Variants in CUL4B observed in about 807,000 individuals in gnomAD.
CUL4B encodes cullin 4B.
A neutral mutation model predicts 69.2 loss-of-function variants in CUL4B; 1 was observed. The observed-to-expected ratio is 0.01, with a 90% CI of 0.01 to 0.07. CUL4B has a LOEUF of 0.07. CUL4B is among the 10% of genes least tolerant of loss of function. The pLI is 1.00. For synonymous variants in CUL4B, 237 were observed against 223.2 expected (o/e 1.06, Z -0.55); for missense variants, 328 against 638.8 (o/e 0.51, Z 5.24).
At chrX:120,561,530 G>T (rs377572979), upstream of CUL4B, 13 of 113,033 alleles carry the variant, frequency 1.2e-4, no homozygotes, top group South Asian at 2.5e-3. Flanking sequence ...CGGAGCTCCT[G>T]ATTGGAGCTT....
At chrX:120,528,869 T>C (rs1174836576) in intron 19 of CUL4B, among the ~76,000 whole-genome samples, 1 of 112,311 alleles carries the variant, frequency 8.9e-6, no homozygotes, top group Admixed American at 9.5e-5. Context: ...ATCTTCATGA[T>C]TGCATTCTAA....
At chrX:120,567,398 A>C (rs192472163), downstream of CUL4B, among the ~76,000 whole-genome samples, 346 of 110,100 alleles carry the variant, frequency 3.1e-3, 1 homozygote, top group Non-Finnish European at 4.8e-3. Flanking sequence ...AAGTGGTAGG[A>C]TTACAGGCAT....
chrX:120,549,542 C>T (rs111604949), intron 2 of CUL4B, among the ~76,000 whole-genome samples: 1 of 110,910 alleles, frequency 9.0e-6, no homozygotes, highest in Non-Finnish European at 1.9e-5. Context: ...GACTCTGTCT[C>T]GAGAAGAGAA....
At position 120,538,191 on chromosome X, in the gene CUL4B, G is replaced by A. The variant is rs769166770; in HGVS notation, c.1871C>T (p.Thr624Ile). 8.4e-7 allele frequency: 1 copy of A among 1,187,646 alleles called. No homozygotes were observed. Among genetic ancestry groups the A allele is most frequent in the Non-Finnish European group, 1.1e-6 (1 of 874,850 alleles). Reference sequence around the variant, plus strand: ...TTTAAACATTCCTTCAAGTTTGCTGGTGAAAGCAGCTCCGCATTCTATTAA... The same window carrying A: ...TTTAAACATTCCTTCAAGTTTGCTGATGAAAGCAGCTCCGCATTCTATTAA... The part of the protein sequence containing the change: ...KLKHECGAAF[T>I]SKLEGMFKDM... Residue 624 changes from threonine to isoleucine, a missense_variant, in exon 14 of 20, where the codon ACC (threonine) becomes ATC (isoleucine). Coordinates refer to ENST00000371322, the MANE Select transcript of CUL4B (RefSeq NM_001079872.2).
At chrX:120,563,111 G>C (rs1602592882), upstream of CUL4B, among the ~76,000 whole-genome samples, 3 of 112,654 alleles carry the variant, frequency 2.7e-5, no homozygotes, top group Admixed American at 2.8e-4. Flanking sequence ...ATTGCTATTT[G>C]ATGACAGCCT....
Position 120,560,304 on chromosome X carries a change from A to G in CUL4B, c.335T>C (p.Phe112Ser). 2 of 1,211,624 alleles carry G rather than the reference A, an allele frequency of 1.7e-6. No homozygotes were observed. The highest frequency in any genetic ancestry group is 2.2e-6 in the Non-Finnish European group (2 of 895,472). The change falls in exon 1 of 20, where the codon TTT becomes TCT. Residue 112 changes from phenylalanine (F) to serine (S), a missense_variant. Transcript: ENST00000371322. ...GGATTCCTCAGCCATCTTCGCATCA[A>G]ACCCTACAAACTCCAGGGTGTCTTC... ...RFEDTLEFVG[F>S]DAKMAEESSS...
At chrX:120,540,265 CA>C in intron 11 of CUL4B, 104 bp downstream of exon 11, 1 of 779,009 alleles carries the variant, frequency 1.3e-6, no homozygotes, top group Non-Finnish European at 1.9e-6. Flanking sequence ...CAACCTCAAA[CA>C]AATCAGGAAT....
chrX:120,541,519 C>A, intron 10 of CUL4B, 83 bp downstream of exon 10: 1 of 700,028 alleles, frequency 1.4e-6, no homozygotes, highest in South Asian at 2.3e-5. Context: ...AAAATTGGAT[C>A]AAACAAGAAA....
chrX:120,540,764 A>G (rs1290343988), intron 10 of CUL4B, among the ~76,000 whole-genome samples: 1 of 112,184 alleles, frequency 8.9e-6, no homozygotes, highest in Non-Finnish European at 1.9e-5. Context: ...CAGCCTCCCA[A>G]GTAGCTGGAG....
chrX:120,546,791 T>C (rs1258936578), intron 3 of CUL4B, among the ~76,000 whole-genome samples, 175 bp from the exon 4 acceptor site: 1 of 111,762 alleles, frequency 8.9e-6, no homozygotes, highest in Admixed American at 9.5e-5. Context: ...AAAAACATAG[T>C]TTATACTAAA....
intron 14 of CUL4B, among the ~76,000 whole-genome samples, chrX:120,537,383 T>G (rs1923734606): frequency 9.0e-6 from 1 of 110,652 alleles, no homozygotes; most frequent in African/African-American, 3.3e-5. Context: ...CTATGTGGCT[T>G]AAACACCTTG....
At position 120,541,711 on chromosome X, in the gene CUL4B, T is replaced by C. The variant is rs772114630; in HGVS notation, c.1334A>G (p.Asn445Ser). ...LTAILQKGLN[N>S]LLDENRIQDL... ...TTGAATTCGGTTTTCATCAAGGAGGTTATTTAAACCTGTATTTTAAAACAT... is the reference window on the plus strand; with the variant it reads ...TTGAATTCGGTTTTCATCAAGGAGGCTATTTAAACCTGTATTTTAAAACAT... Residue 445 changes from asparagine to serine, a missense_variant, in exon 10 of 20, where the codon AAC becomes AGC. Around this residue, in one of 4 missense-constraint regions of CUL4B, gnomAD observed 126 missense variants for 202.5 expected, o/e 0.62. Coordinates refer to ENST00000371322, the MANE Select transcript of CUL4B (RefSeq NM_001079872.2). 1 of 1,158,611 alleles carries C rather than the reference T, an allele frequency of 8.6e-7. No homozygotes were observed. The highest frequency in any genetic ancestry group is 1.8e-5 in the South Asian group (1 of 55,771).
chrX:120,539,120 A>G (rs1299241369), intron 12 of CUL4B, 148 bp downstream of exon 12: 1 of 442,032 alleles, frequency 2.3e-6, no homozygotes, highest in Non-Finnish European at 3.9e-6. Context: ...ATCAGGTAAC[A>G]TTCCTCACGT....
intron 17 of CUL4B, among the ~76,000 whole-genome samples, chrX:120,533,639 T>G (rs927370168): frequency 1.8e-5 from 2 of 111,805 alleles, no homozygotes; most frequent in Non-Finnish European, 3.8e-5. Flanking sequence ...TCATGACAGC[T>G]TTCCCAATTG....
intron 19 of CUL4B, 93 bp downstream of exon 19, chrX:120,530,009 T>C (rs1352509237): frequency 1.1e-6 from 1 of 940,408 alleles, no homozygotes; most frequent in East Asian, 3.1e-5. Context: ...TAAATGGTCA[T>C]GACGCTTTAT....
chrX:120,571,259 C>T (rs905655559), exon 3 of CUL4B: 5 of 110,493 alleles, frequency 4.5e-5, no homozygotes, highest in South Asian at 3.8e-4. Context: ...TTACACAAGT[C>T]GCCATAGTGT....
chrX:120,560,991 C>T, upstream of CUL4B: 1 of 961,987 alleles, frequency 1.0e-6, no homozygotes, highest in Non-Finnish European at 1.3e-6. Flanking sequence ...CTCCTTTTCT[C>T]CCTCTCCCTG....
In CUL4B at chrX:120,560,394, G is replaced by T. The variant is rs1434440226; in HGVS notation, c.245C>A (p.Ser82Tyr). Residue 82 changes from serine to tyrosine, a missense_variant, in exon 1 of 20, where the codon TCC becomes TAC. Transcript: ENST00000371322. ...PRDSASPSTS[S>Y]FCLGVSVAAS... ...AGCCACTGAAACCCCCAGGCAGAAG[G>T]ACGAGGTTGAAGGGGATGCCGAATC... The T allele has an allele frequency of 2.5e-6, 3 of 1,206,562 alleles. No individual in the cohort carries two copies. The South Asian group carries it at 5.3e-5, about 21-fold the overall frequency.
intron 2 of CUL4B, among the ~76,000 whole-genome samples, chrX:120,551,782 A>C (rs965267682): frequency 1.8e-5 from 2 of 112,271 alleles, no homozygotes; most frequent in Non-Finnish European, 3.8e-5. Context: ...TGAACCTATT[A>C]GAACATAAGT....
Sources: allele counts gnomAD v4.1 joint callset (sites outside exome capture counted in the v4.1 genomes callset), GRCh38; gene constraint gnomAD v4.1.1; regional missense constraint gnomAD v4.1.1; transcripts MANE v1.5; gene names NCBI Gene and HGNC (gene_info 2026-07-23, HGNC 2026-07-21).